Variants in TBC1D5 observed in about 807,000 individuals in gnomAD.
The protein encoded by TBC1D5 is TBC1 domain family member 5.
A neutral mutation model predicts 100.3 loss-of-function variants in TBC1D5; 75 were observed. That is an observed-to-expected ratio of 0.75 (90% CI 0.62 to 0.91). The LOEUF is 0.91. TBC1D5 is among the 40% of genes least tolerant of loss of function. The probability of loss-of-function intolerance (pLI) is 0.00; values close to 1 mark genes in which losing one functional copy is unlikely to be tolerated. For synonymous variants in TBC1D5, 323 were observed against 325.6 expected (o/e 0.99, Z 0.09); for missense variants, 910 against 942.4 (o/e 0.97, Z 0.45).
intron 4 of TBC1D5, among the ~76,000 whole-genome samples, chr3:17,409,287 G>GT (rs774173314): frequency 3.7e-4 from 57 of 152,164 alleles, no homozygotes; most frequent in South Asian, 1.0e-3. Context: ...TGTTACTATT[G>GT]TAACTGTTAT....
chr3:17,570,310 AT>A (rs760563352), intron 2 of TBC1D5, among the ~76,000 whole-genome samples: 257 of 151,624 alleles, frequency 1.7e-3, no homozygotes, highest in African/African-American at 5.9e-3. Context: ...AGCTTGACAG[AT>A]TTTTTTTTCC....
chr3:17,404,407 A>G (rs1374288418), intron 7 of TBC1D5, among the ~76,000 whole-genome samples: 1 of 152,024 alleles, frequency 6.6e-6, no homozygotes, highest in Admixed American at 6.6e-5. Flanking sequence ...CAACCCTGAT[A>G]AAAGTTTTAT....
intron 3 of TBC1D5, chr3:17,465,398 C>A: frequency 5.7e-6 from 1 of 174,222 alleles, no homozygotes; most frequent in South Asian, 1.5e-4. Flanking sequence ...GTGTGGCTGT[C>A]GAGAAAACAT....
intron 1 of TBC1D5, among the ~76,000 whole-genome samples, chr3:17,670,525 T>C (rs541783889): frequency 3.3e-5 from 5 of 152,252 alleles, no homozygotes; most frequent in African/African-American, 9.6e-5. Context: ...TTTAGGATAG[T>C]AGTTATAAAA....
chr3:17,359,825 C>T (rs1225569337), intron 13 of TBC1D5, among the ~76,000 whole-genome samples: 1 of 151,764 alleles, frequency 6.6e-6, no homozygotes, highest in African/African-American at 2.4e-5. Context: ...ATTCAATTTG[C>T]CTCTAGGTTA....
intron 1 of TBC1D5, among the ~76,000 whole-genome samples, chr3:17,719,461 T>C (rs1188709543): frequency 6.6e-6 from 1 of 152,194 alleles, no homozygotes; most frequent in African/African-American, 2.4e-5. Context: ...AAAATCTAGA[T>C]TTCTTTTGTT....
chr3:17,287,819 T>C (rs926179302), intron 15 of TBC1D5, among the ~76,000 whole-genome samples: 17 of 152,180 alleles, frequency 1.1e-4, no homozygotes, highest in African/African-American at 4.1e-4. Flanking sequence ...TTAGGGATGA[T>C]GGTAGGATAA....
chr3:17,636,931 G>C (rs1170369505), intron 1 of TBC1D5, among the ~76,000 whole-genome samples: 1 of 152,076 alleles, frequency 6.6e-6, no homozygotes, highest in African/African-American at 2.4e-5. Context: ...AAATTTGTAA[G>C]ACAGTAGGGT....
intron 16 of TBC1D5, among the ~76,000 whole-genome samples, chr3:17,257,669 C>G (rs2077843096): frequency 6.6e-6 from 1 of 152,186 alleles, no homozygotes; most frequent in Non-Finnish European, 1.5e-5. Context: ...ATCCCTTAGA[C>G]TATGAGTTCC....
intron 14 of TBC1D5, among the ~76,000 whole-genome samples, chr3:17,296,314 T>C (rs533326148): frequency 6.6e-6 from 1 of 152,240 alleles, no homozygotes; most frequent in Non-Finnish European, 1.5e-5. Flanking sequence ...GCAATGAAAG[T>C]GCCTTGCCAG....
At chr3:17,167,123 C>A (rs974346025) in intron 20 of TBC1D5, among the ~76,000 whole-genome samples, 195 bp from the exon 22 acceptor site, 7 of 152,120 alleles carry the variant, frequency 4.6e-5, no homozygotes, top group Admixed American at 6.5e-5. Flanking sequence ...TAGCAGTGAG[C>A]AAGAAAAACG....
rs371681788 is a variant in TBC1D5, at chr3:17,166,937, A to C, written c.1933-9T>G. 2 of 1,586,112 alleles carry C rather than the reference A, an allele frequency of 1.3e-6. No individual in the cohort carries two copies. The highest frequency in any genetic ancestry group is 8.6e-7 in the Non-Finnish European group (1 of 1,167,750). The stretch of plus-strand genomic sequence containing the variant: ...TTTAGAATGTCTTTGATCTATTTTC[A>C]AAGAAGAAGAAAATAAATGAAAAAA... On this transcript the variant is annotated splice_polypyrimidine_tract_variant and intron_variant, in intron 20 of 21. Coordinates refer to ENST00000253692, the Ensembl canonical transcript of TBC1D5.
chr3:17,544,650 G>GAAAAAA (rs11294217), intron 2 of TBC1D5, among the ~76,000 whole-genome samples: 9 of 86,266 alleles, frequency 1.0e-4, no homozygotes, highest in African/African-American at 3.9e-4. Flanking sequence ...GACTCCGTCT[G>GAAAAAA]AAAAAAAAAA....
intron 2 of TBC1D5, among the ~76,000 whole-genome samples, chr3:17,557,975 C>A (rs1005420936): frequency 3.9e-5 from 6 of 152,108 alleles, no homozygotes; most frequent in Non-Finnish European, 8.8e-5. Flanking sequence ...TTTCATGATG[C>A]AAAACCTATC....
intron 1 of TBC1D5, among the ~76,000 whole-genome samples, chr3:17,643,239 C>T (rs868831917): frequency 1.3e-5 from 2 of 152,016 alleles, no homozygotes; most frequent in African/African-American, 4.8e-5. Context: ...TGAAACTGAG[C>T]TTATATATTT....
chr3:17,500,689 T>C (rs2095776227), intron 3 of TBC1D5, among the ~76,000 whole-genome samples: 1 of 149,712 alleles, frequency 6.7e-6, no homozygotes, highest in Non-Finnish European at 1.5e-5. Context: ...ATAATTTTGG[T>C]ACTGTGACTT....
At chr3:17,618,143 T>G (rs967745131) in intron 2 of TBC1D5, among the ~76,000 whole-genome samples, 9 of 152,188 alleles carry the variant, frequency 5.9e-5, no homozygotes, top group Non-Finnish European at 2.9e-5. Flanking sequence ...TAGTTTTCCT[T>G]CTAACAGGTC....
At chr3:17,259,411 A>C (rs2078058099) in intron 15 of TBC1D5, among the ~76,000 whole-genome samples, 1 of 152,204 alleles carries the variant, frequency 6.6e-6, no homozygotes, top group Non-Finnish European at 1.5e-5. Context: ...CTTCTGCTTT[A>C]CAAAAACCAA....
intron 2 of TBC1D5, chr3:17,576,434 G>C (rs139087959): frequency 5.9e-5 from 9 of 151,994 alleles, no homozygotes; most frequent in Non-Finnish European, 1.3e-4. Flanking sequence ...AATCTGGATA[G>C]TAGCATTTTT....
Sources: allele counts gnomAD v4.1 joint callset (sites outside exome capture counted in the v4.1 genomes callset), GRCh38; gene constraint gnomAD v4.1.1; transcripts MANE v1.5; gene names NCBI Gene and HGNC (gene_info 2026-07-23, HGNC 2026-07-21).